SORCS3: variants seen among roughly 807,000 people sequenced by gnomAD.
SORCS3 encodes sortilin related VPS10 domain containing receptor 3, also known as VPS10 domain-containing receptor SorCS3.
Under a neutral mutation model 146.3 loss-of-function variants are expected in SORCS3, and 57 were observed. The observed-to-expected ratio is 0.39, with a 90% CI of 0.31 to 0.49. The LOEUF is 0.49. Among genes scored for constraint, SORCS3 ranks in the 20% least tolerant of loss-of-function variants. SORCS3 has a pLI of 0.92. For synonymous variants in SORCS3, 653 were observed against 618.5 expected (o/e 1.06, Z -0.83); for missense variants, 1,341 against 1,575.5 (o/e 0.85, Z 2.52).
chr10:104,842,238 G>C (rs150242674), intron 1 of SORCS3, among the ~76,000 whole-genome samples: 1 of 152,344 alleles, frequency 6.6e-6, no homozygotes, highest in Non-Finnish European at 1.5e-5. Context: ...ATGGTCGAAG[G>C]CAGATGGTAT....
At chr10:104,650,248 C>G (rs1353818301) in intron 1 of SORCS3, among the ~76,000 whole-genome samples, 3 of 152,050 alleles carry the variant, frequency 2.0e-5, no homozygotes, top group African/African-American at 7.2e-5. Flanking sequence ...AAGAGTGGAA[C>G]CTGAGAGCCC....
intron 3 of SORCS3, among the ~76,000 whole-genome samples, chr10:104,970,399 G>A (rs929754478): frequency 1.3e-5 from 2 of 152,066 alleles, no homozygotes; most frequent in Non-Finnish European, 2.9e-5. Context: ...CACCCGCCTC[G>A]GCCTCCCAAA....
intron 3 of SORCS3, among the ~76,000 whole-genome samples, chr10:104,964,855 AAAC>A (rs1329754999): frequency 6.6e-6 from 1 of 152,182 alleles, no homozygotes; most frequent in Non-Finnish European, 1.5e-5. Flanking sequence ...TATACCAACT[AAAC>A]AACAACTCCT....
chr10:105,024,646 C>A, intron 4 of SORCS3, among the ~76,000 whole-genome samples: 1 of 152,308 alleles, frequency 6.6e-6, no homozygotes, highest in East Asian at 1.9e-4. Context: ...CCAACAGCCC[C>A]AATCCCCATT....
chr10:104,877,998 C>T (rs1003156241), intron 2 of SORCS3, among the ~76,000 whole-genome samples: 2 of 152,158 alleles, frequency 1.3e-5, no homozygotes, highest in African/African-American at 4.8e-5. Context: ...TGTGCCTGTA[C>T]TGAATATCTT....
intron 19 of SORCS3, among the ~76,000 whole-genome samples, chr10:105,220,841 T>G (rs1272321964): frequency 6.6e-6 from 1 of 151,264 alleles, no homozygotes; most frequent in African/African-American, 2.4e-5. Context: ...TCCATTATTT[T>G]CCCACATCTA....
At chr10:104,864,639 A>G (rs891628568) in intron 2 of SORCS3, among the ~76,000 whole-genome samples, 3 of 152,130 alleles carry the variant, frequency 2.0e-5, no homozygotes, top group African/African-American at 4.8e-5. Context: ...AGGTCTTTTC[A>G]TCAGAGACAT....
chr10:104,724,928 C>T (rs1338509881), intron 1 of SORCS3, among the ~76,000 whole-genome samples: 2 of 152,134 alleles, frequency 1.3e-5, no homozygotes, highest in Non-Finnish European at 2.9e-5. Flanking sequence ...CGAACTTCCT[C>T]CTTTAGCTCG....
At chr10:105,200,744 A>C (rs961773508) in intron 15 of SORCS3, among the ~76,000 whole-genome samples, 1 of 152,206 alleles carries the variant, frequency 6.6e-6, no homozygotes, top group African/African-American at 2.4e-5. Flanking sequence ...GACCATGTGA[A>C]AAATGTGCCA....
intron 11 of SORCS3, among the ~76,000 whole-genome samples, chr10:105,162,808 A>T (rs2056276983): frequency 6.6e-6 from 1 of 152,144 alleles, no homozygotes; most frequent in African/African-American, 2.4e-5. Context: ...GGGATGGAAG[A>T]TACACAGCTC....
intron 5 of SORCS3, among the ~76,000 whole-genome samples, chr10:105,058,924 T>C (rs73342213): frequency 0.059 from 8,973 of 152,244 alleles, 287 homozygotes; most frequent in Middle Eastern, 0.088. Flanking sequence ...CTATGCATCA[T>C]ATACATGTAA....
intron 1 of SORCS3, chr10:104,665,658 C>G (rs980474505): frequency 1.3e-5 from 2 of 152,248 alleles, no homozygotes; most frequent in African/African-American, 4.8e-5. Flanking sequence ...GTTGGGCTTG[C>G]TTTTAGAGGG....
At chr10:105,080,150 A>G (rs1264753978) in intron 5 of SORCS3, among the ~76,000 whole-genome samples, 1 of 152,198 alleles carries the variant, frequency 6.6e-6, no homozygotes, top group Non-Finnish European at 1.5e-5. Flanking sequence ...TTCCCACAGC[A>G]GCTGAACTAA....
At chr10:104,942,665 A>G (rs937271774) in intron 3 of SORCS3, among the ~76,000 whole-genome samples, 1 of 152,206 alleles carries the variant, frequency 6.6e-6, no homozygotes. Flanking sequence ...ATTTGCCACA[A>G]TTACATAATA....
chr10:104,801,879 A>C (rs1411444767), intron 1 of SORCS3, among the ~76,000 whole-genome samples: 1 of 152,216 alleles, frequency 6.6e-6, no homozygotes, highest in Non-Finnish European at 1.5e-5. Flanking sequence ...TGAAGGTCTT[A>C]AGTTTAAACA....
chr10:104,655,339 G>C (rs1339841550), intron 1 of SORCS3, among the ~76,000 whole-genome samples: 2 of 151,910 alleles, frequency 1.3e-5, no homozygotes, highest in Non-Finnish European at 2.9e-5. Context: ...TCATTTCATG[G>C]GGGCTTGTTG....
At chr10:105,125,172 A>T (rs2055964510) in intron 7 of SORCS3, among the ~76,000 whole-genome samples, 1 of 151,962 alleles carries the variant, frequency 6.6e-6, no homozygotes, top group Non-Finnish European at 1.5e-5. Context: ...TACAAGAAAC[A>T]CTCTCATTCT....
At chr10:104,966,943 G>T (rs1345114786) in intron 3 of SORCS3, among the ~76,000 whole-genome samples, 2 of 149,220 alleles carry the variant, frequency 1.3e-5, no homozygotes, top group African/African-American at 5.0e-5. Flanking sequence ...ATTTCCTTCA[G>T]AAAGCATTAC....
At chr10:104,901,191 C>T (rs1202162970) in intron 2 of SORCS3, among the ~76,000 whole-genome samples, 4 of 152,182 alleles carry the variant, frequency 2.6e-5, no homozygotes, top group African/African-American at 9.7e-5. Context: ...ATATGCATGA[C>T]ATTGTGATAA....
Sources: allele counts gnomAD v4.1 joint callset (sites outside exome capture counted in the v4.1 genomes callset), GRCh38; gene constraint gnomAD v4.1.1; transcripts MANE v1.5; gene names NCBI Gene and HGNC (gene_info 2026-07-23, HGNC 2026-07-21).